Variants in CFAP20DC observed in about 807,000 individuals in gnomAD.
CFAP20DC encodes the protein protein CFAP20DC.
A neutral mutation model predicts 101.7 loss-of-function variants in CFAP20DC; 84 were observed. The ratio of observed to expected loss-of-function variants is 0.83; its 90% confidence interval spans 0.69 to 0.99. The LOEUF (loss-of-function observed/expected upper bound fraction) is 0.99, where lower values mean the gene tolerates loss of function less well. Ranked by LOEUF, CFAP20DC falls within the 50% of genes least tolerant of loss-of-function variation. The pLI, the probability that CFAP20DC is intolerant of heterozygous loss-of-function variation, is 0.00. For missense variants in CFAP20DC, 1,007 were observed against 970.3 expected, an observed-to-expected ratio of 1.04 and a Z score of -0.50; for synonymous variants, 359 against 351.2, an observed-to-expected ratio of 1.02 and a Z score of -0.25.
intron 16 of CFAP20DC, among the ~76,000 whole-genome samples, chr3:58,743,271 GA>G (rs111687111): frequency 3.6e-4 from 50 of 138,628 alleles, no homozygotes; most frequent in Middle Eastern, 3.5e-3. Flanking sequence ...GGCATGAAAT[GA>G]AAAAAAAAAA....
At chr3:59,026,911 T>C (rs931149025) in intron 4 of CFAP20DC, among the ~76,000 whole-genome samples, 1 of 152,178 alleles carries the variant, frequency 6.6e-6, no homozygotes, top group African/African-American at 2.4e-5. Context: ...TTTTCCATAT[T>C]ATAGAAATGA....
intron 14 of CFAP20DC, among the ~76,000 whole-genome samples, chr3:58,821,729 C>T (rs1430591011): frequency 2.6e-5 from 4 of 151,328 alleles, no homozygotes; most frequent in African/African-American, 9.8e-5. Flanking sequence ...CTGTGGAAGT[C>T]AGTGTGGCGA....
At chr3:58,761,132 C>G (rs1212291324) in intron 15 of CFAP20DC, among the ~76,000 whole-genome samples, 1 of 152,172 alleles carries the variant, frequency 6.6e-6, no homozygotes, top group Non-Finnish European at 1.5e-5. Context: ...CCTTGTACCT[C>G]TGGTACAATT....
intron 14 of CFAP20DC, among the ~76,000 whole-genome samples, chr3:58,811,975 C>T (rs1348143152): frequency 1.3e-5 from 2 of 152,106 alleles, no homozygotes; most frequent in African/African-American, 2.4e-5. Context: ...CACTGGCCAT[C>T]AGAGAAATGC....
downstream of CFAP20DC, among the ~76,000 whole-genome samples, chr3:58,737,770 A>G (rs1217533741): frequency 1.3e-5 from 2 of 152,206 alleles, no homozygotes; most frequent in Non-Finnish European, 2.9e-5. This position sits in a 1 kb window ranked among gnomAD's most constrained non-coding sequence, Gnocchi z 4.1. Flanking sequence ...ACTGAGGGAA[A>G]AAAGAGTGTG....
intron 3 of CFAP20DC, among the ~76,000 whole-genome samples, chr3:59,043,100 T>C (rs1699539167): frequency 6.6e-6 from 1 of 152,072 alleles, no homozygotes; most frequent in Non-Finnish European, 1.5e-5. Context: ...TCAAGAAGTC[T>C]AGAGTTAGGA....
At chr3:58,777,652 T>C (rs867375727) in intron 15 of CFAP20DC, among the ~76,000 whole-genome samples, 4 of 152,236 alleles carry the variant, frequency 2.6e-5, no homozygotes, top group South Asian at 2.1e-4. Flanking sequence ...TCTACATTTC[T>C]ACAGGACAGA....
chr3:58,844,936 C>G (rs1298122501), intron 13 of CFAP20DC, among the ~76,000 whole-genome samples: 8 of 136,820 alleles, frequency 5.8e-5, no homozygotes, highest in East Asian at 2.1e-4. Flanking sequence ...GAAATGAAGG[C>G]AGAAATAAAG....
intron 15 of CFAP20DC, among the ~76,000 whole-genome samples, chr3:58,792,881 G>A (rs1487112264): frequency 6.6e-6 from 1 of 151,956 alleles, no homozygotes; most frequent in East Asian, 1.9e-4. Flanking sequence ...AGTACATGTG[G>A]TGTTGGTATG....
At chr3:58,761,828 T>G (rs2069633527) in intron 15 of CFAP20DC, among the ~76,000 whole-genome samples, 1 of 152,332 alleles carries the variant, frequency 6.6e-6, no homozygotes, top group African/African-American at 2.4e-5. Flanking sequence ...TTGTTCAGTT[T>G]CCATGTAGTT....
Position 58,894,316 on chromosome 3 carries a change from G to A in CFAP20DC, c.551-9607C>T, listed in dbSNP as rs1023685923. 1.3e-5 allele frequency among the ~76,000 whole-genome samples: 2 copies of A among 152,184 alleles called. No individual in the cohort carries two copies. Among genetic ancestry groups the A allele is most frequent in the African/African-American group, 2.4e-5 (1 of 41,428 alleles). On this transcript the variant is annotated intron_variant, in intron 6 of 16. Transcript: ENST00000482387. This position sits in a 1 kb window ranked among gnomAD's most constrained non-coding sequence, Gnocchi z 4.1. The stretch of plus-strand genomic sequence containing the variant: ...GACAAGGCAAGTCCCTTCTGCCTAT[G>A]AGCCTGTAAAATCAAAAGCAAGTTA...
chr3:58,947,290 T>G (rs769017326), intron 4 of CFAP20DC, among the ~76,000 whole-genome samples: 5 of 152,162 alleles, frequency 3.3e-5, no homozygotes, highest in Non-Finnish European at 2.9e-5. Flanking sequence ...CCCTGGCAAA[T>G]GCACCAGTGG....
In CFAP20DC at chr3:58,861,551, C is replaced by T. The variant is rs1446206857; in HGVS notation, c.1593+2007G>A. 1.0e-6 allele frequency: 1 copy of T among 983,304 alleles called. No individual in the cohort carries two copies. Among genetic ancestry groups the T allele is most frequent in the African/African-American group, 1.7e-5 (1 of 57,180 alleles). 60.9% of individuals were successfully genotyped at this position (983,304 alleles called of 1,614,324 possible). Reference sequence around the variant, plus strand: ...TACCAAAAGTACAAAAGAAAAAATCCAATTTTGTTAAGAAGGTATCATTAC... The same window carrying T: ...TACCAAAAGTACAAAAGAAAAAATCTAATTTTGTTAAGAAGGTATCATTAC... On this transcript the variant is annotated intron_variant, in intron 12 of 16. Coordinates refer to ENST00000482387, the MANE Select transcript of CFAP20DC (RefSeq NM_001394063.1). The surrounding 1 kb of genome is among the most constrained non-coding windows in gnomAD (Gnocchi z 4.0).
rs1353894579 is a variant in CFAP20DC, at chr3:58,882,564, AAC to A, written c.715+1979_715+1980del. ...GATACAGATATAGCATTTGTTATAGAACACACTCTTATTTTATTCTGTGGTAC... is the reference window on the plus strand; with the variant it reads ...GATACAGATATAGCATTTGTTATAGAACACTCTTATTTTATTCTGTGGTAC... On this transcript the variant is annotated intron_variant, in intron 7 of 16. Transcript: ENST00000482387. This position sits in a 1 kb window ranked among gnomAD's most constrained non-coding sequence, Gnocchi z 4.2. Among the ~76,000 whole-genome samples, 1 of 152,216 alleles carries A rather than the reference AAC, an allele frequency of 6.6e-6. No individual in the cohort carries two copies. Among genetic ancestry groups the A allele is most frequent in the African/African-American group, 2.4e-5 (1 of 41,474 alleles).
At chr3:58,997,789 T>C (rs2093181628) in intron 4 of CFAP20DC, among the ~76,000 whole-genome samples, 1 of 152,178 alleles carries the variant, frequency 6.6e-6, no homozygotes, top group Non-Finnish European at 1.5e-5. Context: ...TATTCTACCA[T>C]TTGTACACTA....
intron 13 of CFAP20DC, among the ~76,000 whole-genome samples, chr3:58,842,080 C>A (rs1274146779): frequency 6.6e-6 from 1 of 152,172 alleles, no homozygotes; most frequent in East Asian, 1.9e-4. Flanking sequence ...ATGAATAAAA[C>A]ATTGCAAAGA....
intron 4 of CFAP20DC, among the ~76,000 whole-genome samples, chr3:58,982,871 A>G (rs1307649894): frequency 6.6e-6 from 1 of 152,114 alleles, no homozygotes; most frequent in Non-Finnish European, 1.5e-5. Context: ...AAAAACAAAA[A>G]AAGTTTCTAG....
chr3:58,977,809 G>C (rs561994682), intron 4 of CFAP20DC, among the ~76,000 whole-genome samples: 2 of 151,920 alleles, frequency 1.3e-5, no homozygotes, highest in Non-Finnish European at 2.9e-5. Context: ...AGCTCCCCTT[G>C]GCAAGCAGGA....
At position 58,869,323 on chromosome 3, in the gene CFAP20DC, C is replaced by G; in HGVS notation, c.1015+5G>C. 6.2e-7 allele frequency: 1 copy of G among 1,603,274 alleles called. No homozygotes were observed. Among genetic ancestry groups the G allele is most frequent in the East Asian group, 2.2e-5 (1 of 44,618 alleles). ...TATCAATCTTTATGCATGATTATTTCTTACCATGAATAGGTACAGTCTGCT... is the reference window on the plus strand; with the variant it reads ...TATCAATCTTTATGCATGATTATTTGTTACCATGAATAGGTACAGTCTGCT... On this transcript the variant is annotated splice_donor_5th_base_variant and intron_variant, in intron 9 of 16. Coordinates refer to ENST00000482387, the MANE Select transcript of CFAP20DC (RefSeq NM_001394063.1). This position sits in a 1 kb window ranked among gnomAD's most constrained non-coding sequence, Gnocchi z 4.3.
Sources: gnomAD v4.1 joint callset for allele counts (sites outside exome capture counted in the v4.1 genomes callset) on GRCh38, gnomAD v4.1.1 for gene constraint, Gnocchi (gnomAD v3.1) non-coding constraint, MANE v1.5 for transcripts, NCBI Gene and HGNC (gene_info 2026-07-23, HGNC 2026-07-21) for gene names.